DAW1: variants seen among roughly 807,000 people sequenced by gnomAD.
The protein encoded by DAW1 is dynein assembly factor with WD repeat domains 1.
Under a neutral mutation model 56.5 loss-of-function variants are expected in DAW1, and 47 were observed. The ratio of observed to expected loss-of-function variants is 0.83; its 90% CI spans 0.66 to 1.06. The LOEUF (loss-of-function observed/expected upper bound fraction) is 1.06, where lower values mean the gene tolerates loss of function less well. DAW1 is among the 50% of genes least tolerant of loss of function. The probability of loss-of-function intolerance (pLI) is 0.00; values close to 1 mark genes in which losing one functional copy is unlikely to be tolerated. For synonymous variants in DAW1, 190 were observed against 179.0 expected (o/e 1.06, Z -0.49); for missense variants, 505 against 499.3 (o/e 1.01, Z -0.11).
intron 6 of DAW1, among the ~76,000 whole-genome samples, chr2:227,899,889 G>T (rs1436321237): frequency 6.6e-6 from 1 of 152,050 alleles, no homozygotes; most frequent in African/African-American, 2.4e-5. Context: ...GATGGGAAAG[G>T]GTCCTGTATT....
intron 2 of DAW1, among the ~76,000 whole-genome samples, chr2:227,887,111 G>T (rs1009335147): frequency 2.6e-5 from 4 of 152,152 alleles, no homozygotes; most frequent in Admixed American, 2.6e-4. Context: ...TGGGGCTGGG[G>T]CATGGCTCAG....
intron 6 of DAW1, among the ~76,000 whole-genome samples, chr2:227,901,748 A>G (rs1179700203): frequency 2.0e-5 from 3 of 152,260 alleles, no homozygotes; most frequent in African/African-American, 2.4e-5. Context: ...GACAAAAATG[A>G]TGGTAGACTG....
chr2:227,908,653 C>T (rs886964081), intron 10 of DAW1, among the ~76,000 whole-genome samples: 26 of 152,176 alleles, frequency 1.7e-4, no homozygotes, highest in African/African-American at 6.3e-4. Flanking sequence ...TGTGTTAACA[C>T]TATACAATTT....
chr2:227,917,134 A>G (rs1715850), intron 10 of DAW1, among the ~76,000 whole-genome samples: 68,252 of 136,742 alleles, frequency 0.5, 15,943 homozygotes, highest in Middle Eastern at 0.6. Flanking sequence ...CTATCTATCT[A>G]TCTATCTATC....
intron 5 of DAW1, among the ~76,000 whole-genome samples, chr2:227,897,561 G>A (rs1691440837): frequency 6.6e-6 from 1 of 152,160 alleles, no homozygotes; most frequent in Non-Finnish European, 1.5e-5. Flanking sequence ...AAGATCAAAG[G>A]CCAAACAGGG....
At chr2:227,905,785 C>T (rs372136096) in intron 8 of DAW1, among the ~76,000 whole-genome samples, 68 of 148,214 alleles carry the variant, frequency 4.6e-4, no homozygotes, top group Non-Finnish European at 5.9e-4. Context: ...GACGGAGTCT[C>T]GCTCTGTTGC....
chr2:227,915,846 A>T (rs1392304393), intron 10 of DAW1, among the ~76,000 whole-genome samples: 1 of 152,112 alleles, frequency 6.6e-6, no homozygotes, highest in African/African-American at 2.4e-5. Context: ...TGATAACCAC[A>T]TCAATGTTAT....
At chr2:227,908,769 C>T (rs2106208275) in intron 10 of DAW1, among the ~76,000 whole-genome samples, 1 of 152,324 alleles carries the variant, frequency 6.6e-6, no homozygotes, top group Non-Finnish European at 1.5e-5. Context: ...CCTATGTCTC[C>T]TTGGCAAGCA....
intron 8 of DAW1, among the ~76,000 whole-genome samples, chr2:227,906,035 G>A (rs1359967533): frequency 2.0e-5 from 3 of 152,202 alleles, no homozygotes; most frequent in Non-Finnish European, 4.4e-5. Flanking sequence ...GGTTACAAGC[G>A]TGAGCCACCG....
intron 1 of DAW1, among the ~76,000 whole-genome samples, chr2:227,875,664 C>G (rs1194424702): frequency 6.6e-6 from 1 of 152,314 alleles, no homozygotes; most frequent in South Asian, 2.1e-4. Flanking sequence ...TATCTCCTTT[C>G]TGAGCATTTC....
At chr2:227,885,890 CATGTGTCCTTA>C in intron 2 of DAW1, among the ~76,000 whole-genome samples, 1 of 152,164 alleles carries the variant, frequency 6.6e-6, no homozygotes, top group Non-Finnish European at 1.5e-5. Context: ...ATTTAGCCAT[CATGTGTCCTTA>C]AGCTTCCTTA....
intron 1 of DAW1, among the ~76,000 whole-genome samples, chr2:227,873,549 G>A (rs540595712): frequency 3.9e-5 from 6 of 152,268 alleles, no homozygotes; most frequent in African/African-American, 1.4e-4. Flanking sequence ...CTGGAAGACC[G>A]ATCCTGGACA....
intron 10 of DAW1, among the ~76,000 whole-genome samples, chr2:227,915,769 A>T (rs1003120418): frequency 6.6e-6 from 1 of 152,126 alleles, no homozygotes; most frequent in African/African-American, 2.4e-5. Context: ...GCCATATGTG[A>T]TGCTATCTTA....
intron 1 of DAW1, among the ~76,000 whole-genome samples, chr2:227,882,577 C>A (rs1013895424): frequency 2.0e-5 from 3 of 152,198 alleles, no homozygotes; most frequent in Non-Finnish European, 4.4e-5. Context: ...ATAGGAAGTA[C>A]TAAGAAAGCA....
chr2:227,881,051 T>G (rs968223469), intron 1 of DAW1, among the ~76,000 whole-genome samples: 6 of 151,810 alleles, frequency 4.0e-5, no homozygotes, highest in African/African-American at 1.5e-4. Flanking sequence ...AATAACAAAG[T>G]GATTGGAAAA....
chr2:227,923,738 G>A (rs537297054), intron 12 of DAW1, among the ~76,000 whole-genome samples, 196 bp from the exon 13 acceptor site: 1 of 150,500 alleles, frequency 6.6e-6, no homozygotes, highest in Non-Finnish European at 1.5e-5. Flanking sequence ...CAACTAGCTG[G>A]TATCGTGAAA....
At chr2:227,878,919 C>G (rs533499455) in intron 1 of DAW1, among the ~76,000 whole-genome samples, 2 of 151,294 alleles carry the variant, frequency 1.3e-5, no homozygotes, top group Non-Finnish European at 2.9e-5. Context: ...TCCCAAGTAG[C>G]TGGGATTACA....
At chr2:227,878,359 A>G (rs1246810788) in intron 1 of DAW1, among the ~76,000 whole-genome samples, 3 of 152,190 alleles carry the variant, frequency 2.0e-5, no homozygotes, top group Non-Finnish European at 1.5e-5. Context: ...TGTATGTTTA[A>G]AGTATGTATC....
At chr2:227,922,360 T>C (rs1692130283) in intron 12 of DAW1, among the ~76,000 whole-genome samples, 1 of 152,186 alleles carries the variant, frequency 6.6e-6, no homozygotes. Flanking sequence ...TTAATAATAT[T>C]AGCAACATTT....
Sources: gnomAD v4.1 joint callset for allele counts (sites outside exome capture counted in the v4.1 genomes callset) on GRCh38, gnomAD v4.1.1 for gene constraint, MANE v1.5 for transcripts, NCBI Gene and HGNC (gene_info 2026-07-23, HGNC 2026-07-21) for gene names.